RABL3: variants seen among roughly 807,000 people sequenced by gnomAD.
The protein encoded by RABL3 is rab-like protein 3.
A neutral mutation model predicts 31.8 loss-of-function variants in RABL3; 31 were observed. The ratio of observed to expected loss-of-function variants is 0.97; its 90% CI spans 0.73 to 1.31. The LOEUF is 1.31. Ranked by LOEUF, RABL3 falls within the 40% of genes most tolerant of loss-of-function variation. The probability of loss-of-function intolerance (pLI) is 0.00; values close to 1 mark genes in which losing one functional copy is unlikely to be tolerated. For synonymous variants in RABL3, 97 were observed against 99.9 expected, an observed-to-expected ratio of 0.97 and a Z score of 0.18; for missense variants, 263 against 279.6, an observed-to-expected ratio of 0.94 and a Z score of 0.42.
In RABL3 at chr3:120,686,122, C is replaced by T. The variant is rs1029376322; in HGVS notation, c.*3701G>A. ...TTGAGACACAGGGTTAGACTTCCTGCGACCCTTCCTCTCCCACCACAGTGA... is the reference window on the plus strand; with the variant it reads ...TTGAGACACAGGGTTAGACTTCCTGTGACCCTTCCTCTCCCACCACAGTGA... On this transcript the variant is annotated 3_prime_UTR_variant, in exon 8 of 8. Coordinates refer to ENST00000273375, the MANE Select transcript of RABL3 (RefSeq NM_173825.5). 1.2e-4 allele frequency among the ~76,000 whole-genome samples: 18 copies of T among 152,298 alleles called. No homozygotes were observed. The highest frequency in any genetic ancestry group is 4.3e-4 in the African/African-American group (18 of 41,564).
chr3:120,708,380 C>T (rs1035089738), intron 3 of RABL3, among the ~76,000 whole-genome samples: 32 of 151,958 alleles, frequency 2.1e-4, no homozygotes, highest in African/African-American at 7.2e-4. Flanking sequence ...TCTTCTTCAG[C>T]ACTTACAAGT....
chr3:120,736,481 T>C (rs1313033265), intron 1 of RABL3, among the ~76,000 whole-genome samples: 1 of 152,218 alleles, frequency 6.6e-6, no homozygotes, highest in African/African-American at 2.4e-5. Context: ...CACTGATGGG[T>C]CTTGACAATT....
chr3:120,694,286 A>T lies in RABL3; in HGVS notation c.535-62T>A, dbSNP rs561054645. On this transcript the variant is annotated intron_variant, in intron 5 of 7. Transcript: ENST00000273375. ...AGGAAACCCAAGCTCGTTGCTATTC[A>T]TAACTTATCCTGTTGCATATTTCTG... 9 of 1,081,482 alleles carry T rather than the reference A, an allele frequency of 8.3e-6. No individual in the cohort carries two copies. In the African/African-American group the frequency reaches 9.4e-5, roughly 11 times the overall value. 67.0% of individuals were successfully genotyped at this position (1,081,482 alleles called of 1,614,324 possible). A position where few individuals can be genotyped will look rare whatever the true frequency, so the allele number is the denominator to read the frequency against.
chr3:120,738,309 A>C (rs760321970), intron 1 of RABL3, among the ~76,000 whole-genome samples: 1 of 152,236 alleles, frequency 6.6e-6, no homozygotes, highest in Non-Finnish European at 1.5e-5. Context: ...GCCAGGTCAG[A>C]GATATAATCT....
At position 120,687,518 on chromosome 3, in the gene RABL3, T is replaced by C. The variant is rs934652467; in HGVS notation, c.*2305A>G. 6.6e-6 allele frequency: 1 copy of C among 152,256 alleles called. No individual in the cohort carries two copies. The highest frequency in any genetic ancestry group is 2.4e-5 in the African/African-American group (1 of 41,470). 9.4% of individuals were successfully genotyped at this position (152,256 alleles called of 1,614,324 possible). A position where few individuals can be genotyped will look rare whatever the true frequency, so the allele number is the denominator to read the frequency against. ...CTAAAAGCATTTTTATGAATAGTTC[T>C]CAAGAAGTCCTAGCAAAAATTGTGC... is the stretch of plus-strand genomic sequence containing the variant. On this transcript the variant is annotated 3_prime_UTR_variant, in exon 8 of 8. Transcript: ENST00000273375.
intron 2 of RABL3, among the ~76,000 whole-genome samples, chr3:120,729,289 T>C (rs1050255978): frequency 2.0e-5 from 3 of 152,134 alleles, no homozygotes; most frequent in Non-Finnish European, 4.4e-5. Context: ...AGCTGAGAAA[T>C]TGAAATCCTT....
At chr3:120,698,701 A>T in intron 4 of RABL3, 128 bp from the exon 5 acceptor site, 3 of 737,734 alleles carry the variant, frequency 4.1e-6, no homozygotes, top group East Asian at 2.7e-5. Context: ...TCACCTACAA[A>T]CCTACTTTCC....
Position 120,689,201 on chromosome 3 carries a change from A to G in RABL3, c.*622T>C, listed in dbSNP as rs1708350331. ...CTCTATGTATTATTAATTTGTATTT[A>G]TATTTAACTCTGGCTATTAGTCCGC... On this transcript the variant is annotated 3_prime_UTR_variant, in exon 8 of 8. Coordinates refer to ENST00000273375, the MANE Select transcript of RABL3 (RefSeq NM_173825.5). 6.6e-6 allele frequency: 1 copy of G among 152,176 alleles called. No individual in the cohort carries two copies. The highest frequency in any genetic ancestry group is 2.4e-5 in the African/African-American group (1 of 41,436). The allele number at this position is 152,176 out of a possible 1,614,324, so 9.4% of individuals were successfully genotyped here. A position where few individuals can be genotyped will look rare whatever the true frequency, so the allele number is the denominator to read the frequency against.
At chr3:120,734,610 T>G (rs1024118566) in intron 1 of RABL3, among the ~76,000 whole-genome samples, 7 of 152,188 alleles carry the variant, frequency 4.6e-5, no homozygotes, top group African/African-American at 1.7e-4. Flanking sequence ...GAGGGCATCC[T>G]TGTCTTGTGC....
intron 1 of RABL3, among the ~76,000 whole-genome samples, chr3:120,735,202 A>AT (rs1412767450): frequency 2.0e-5 from 3 of 146,606 alleles, no homozygotes; most frequent in African/African-American, 7.3e-5. Flanking sequence ...TAGGCTATTA[A>AT]TTATTGCCTC....
chr3:120,694,013 A>C, intron 6 of RABL3, 140 bp downstream of exon 6: 1 of 571,208 alleles, frequency 1.8e-6, no homozygotes, highest in Non-Finnish European at 3.1e-6. Flanking sequence ...ATACCAACAG[A>C]TAAGAGAGAT....
intron 2 of RABL3, among the ~76,000 whole-genome samples, chr3:120,723,289 A>C (rs1235848468): frequency 3.9e-5 from 6 of 152,222 alleles, no homozygotes; most frequent in African/African-American, 7.2e-5. Flanking sequence ...CAGGCTAGGA[A>C]ATTGGGGCAA....
intron 1 of RABL3, among the ~76,000 whole-genome samples, chr3:120,735,124 A>G (rs1377245475): frequency 2.0e-5 from 3 of 152,180 alleles, no homozygotes; most frequent in Non-Finnish European, 4.4e-5. Flanking sequence ...GAATGGTACC[A>G]GCTCCTCCTT....
chr3:120,697,818 C>G (rs1708453502), intron 5 of RABL3, among the ~76,000 whole-genome samples: 1 of 152,098 alleles, frequency 6.6e-6, no homozygotes, highest in African/African-American at 2.4e-5. Flanking sequence ...GCTTATAGTG[C>G]CACTTTAATC....
chr3:120,730,575 GA>G, intron 2 of RABL3, 120 bp downstream of exon 2: 1 of 672,700 alleles, frequency 1.5e-6, no homozygotes, highest in Non-Finnish European at 2.6e-6. Flanking sequence ...CACATAGTAT[GA>G]ATGTAATAAA....
chr3:120,708,084 A>G (rs1708571621), intron 3 of RABL3, among the ~76,000 whole-genome samples: 1 of 152,094 alleles, frequency 6.6e-6, no homozygotes, highest in South Asian at 2.1e-4. Flanking sequence ...GGATAGAGTG[A>G]TCCTTATGTT....
chr3:120,734,261 C>T (rs1210536975), intron 1 of RABL3, among the ~76,000 whole-genome samples: 3 of 152,184 alleles, frequency 2.0e-5, no homozygotes, highest in African/African-American at 7.2e-5. Context: ...AGGTCCTTCA[C>T]ATCCCTTGTA....
chr3:120,723,129 C>A (rs1356546304), intron 2 of RABL3, among the ~76,000 whole-genome samples: 4 of 152,026 alleles, frequency 2.6e-5, no homozygotes, highest in Non-Finnish European at 5.9e-5. Context: ...ACCACCGATC[C>A]CACAGAAATA....
rs1708327603 is a variant in RABL3, at chr3:120,687,675, C to G, written c.*2148G>C. ...TATTTTTTCTTAGAAAACTATAATT[C>G]AAGGAATCAAGCTTGGCTGCAGAAA... On this transcript the variant is annotated 3_prime_UTR_variant, in exon 8 of 8. Coordinates refer to ENST00000273375, the MANE Select transcript of RABL3 (RefSeq NM_173825.5). 1 of 151,974 alleles carries G rather than the reference C, an allele frequency of 6.6e-6. No individual in the cohort carries two copies. The highest frequency in any genetic ancestry group is 2.4e-5 in the African/African-American group (1 of 41,392). 9.4% of individuals were successfully genotyped at this position (151,974 alleles called of 1,614,324 possible).
Sources: gnomAD v4.1 joint callset for allele counts (sites outside exome capture counted in the v4.1 genomes callset) on GRCh38, gnomAD v4.1.1 for gene constraint, MANE v1.5 for transcripts, NCBI Gene and HGNC (gene_info 2026-07-23, HGNC 2026-07-21) for gene names.